The following TUBGCP3 variants were observed in gnomAD, a reference collection of about 807,000 sequenced individuals.
TUBGCP3 encodes gamma-tubulin complex component 3.
Under a neutral mutation model 123.1 loss-of-function variants are expected in TUBGCP3, and 50 were observed. The ratio of observed to expected loss-of-function variants is 0.41; its 90% CI spans 0.32 to 0.51. TUBGCP3 has a LOEUF of 0.51. TUBGCP3 is among the 20% of genes least tolerant of loss of function. TUBGCP3 has a pLI of 0.36. For missense variants in TUBGCP3, 882 were observed against 1,127.0 expected (o/e 0.78, Z 3.11); for synonymous variants, 405 against 413.9 (o/e 0.98, Z 0.26).
upstream of TUBGCP3, among the ~76,000 whole-genome samples, chr13:112,588,674 G>A (rs968687424): frequency 4.6e-5 from 7 of 152,136 alleles, no homozygotes; most frequent in South Asian, 2.1e-4. Flanking sequence ...GAGAGAACAG[G>A]AAACCTGCCG....
At chr13:112,588,828 G>T (rs1882804821), upstream of TUBGCP3, among the ~76,000 whole-genome samples, 1 of 152,168 alleles carries the variant, frequency 6.6e-6, no homozygotes, top group Non-Finnish European at 1.5e-5. Flanking sequence ...AAGAGATCCC[G>T]AGATCCTATG....
chr13:112,572,856 G>GA (rs1192273683), intron 1 of TUBGCP3, among the ~76,000 whole-genome samples: 27 of 152,042 alleles, frequency 1.8e-4, no homozygotes, highest in African/African-American at 6.3e-4. Flanking sequence ...CATGCTGTTG[G>GA]AAAAATGGTA....
chr13:112,512,086 A>G (rs1372340002), intron 17 of TUBGCP3, among the ~76,000 whole-genome samples: 1 of 152,242 alleles, frequency 6.6e-6, no homozygotes, highest in Non-Finnish European at 1.5e-5. Flanking sequence ...TTTAAAATGT[A>G]GTATTATTTA....
At chr13:112,514,112 A>T (rs545429530) in intron 17 of TUBGCP3, among the ~76,000 whole-genome samples, 8 of 152,284 alleles carry the variant, frequency 5.3e-5, no homozygotes, top group Admixed American at 4.6e-4. Flanking sequence ...GAGAGACATA[A>T]CACCCACATA....
intron 1 of TUBGCP3, among the ~76,000 whole-genome samples, chr13:112,570,544 T>TA (rs1881317597): frequency 6.6e-6 from 1 of 152,216 alleles, no homozygotes; most frequent in South Asian, 2.1e-4. Context: ...ACTTTATTGC[T>TA]AAAAAATGCT....
intron 13 of TUBGCP3, among the ~76,000 whole-genome samples, chr13:112,525,159 A>C (rs1046839101): frequency 6.6e-6 from 1 of 152,198 alleles, no homozygotes; most frequent in African/African-American, 2.4e-5. Flanking sequence ...ATTATTAAAT[A>C]ATAACTTTTT....
At chr13:112,559,681 A>G (rs564144102) in intron 3 of TUBGCP3, among the ~76,000 whole-genome samples, 2 of 152,358 alleles carry the variant, frequency 1.3e-5, no homozygotes, top group Non-Finnish European at 2.9e-5. Flanking sequence ...TTCCTGAATA[A>G]CAGTATCGTC....
intron 20 of TUBGCP3, among the ~76,000 whole-genome samples, chr13:112,491,096 C>G (rs1329633774): frequency 6.6e-6 from 1 of 152,226 alleles, no homozygotes; most frequent in Non-Finnish European, 1.5e-5. Context: ...CTTGGCCCCC[C>G]AAAAGGCCCA....
At position 112,504,085 on chromosome 13, in the gene TUBGCP3, C is replaced by G. The variant is rs764939077; in HGVS notation, c.2254G>C (p.Glu752Gln). The change falls in exon 19 of 22, where the codon GAG becomes CAG. Residue 752 changes from glutamate (E) to glutamine (Q), a missense_variant. Glu to Gln is a conservative substitution (Grantham distance 29). This residue lies in a region of TUBGCP3 where 160 missense variants were observed against 220.3 expected (regional missense o/e 0.73). Coordinates refer to ENST00000261965, the MANE Select transcript of TUBGCP3 (RefSeq NM_006322.6). ...GAGATGATGGTGTCTAAGAACACCTCGTGTGCAGCAATGATGTGATCCAAA... is the reference window on the plus strand; with the variant it reads ...GAGATGATGGTGTCTAAGAACACCTGGTGTGCAGCAATGATGTGATCCAAA... The part of the protein sequence containing the change: ...QDLDHIIAAH[E>Q]VFLDTIISRC... 1.9e-6 allele frequency: 3 copies of G among 1,614,104 alleles called. No homozygotes were observed. The South Asian group carries it at 3.3e-5, about 18-fold the overall frequency.
chr13:112,526,845 G>A lies in TUBGCP3; in HGVS notation c.1555+97C>T, dbSNP rs1463537071. On this transcript the variant is annotated intron_variant, in intron 13 of 21. Transcript: ENST00000261965. Reference sequence around the variant, plus strand: ...ATCATCACACCATCACAATCACTACGTCATCAACATCACTGTTACCATGAG... The same window carrying A: ...ATCATCACACCATCACAATCACTACATCATCAACATCACTGTTACCATGAG... The A allele has an allele frequency of 7.8e-5, 68 of 870,848 alleles. No homozygotes were observed. In the East Asian group the frequency reaches 1.3e-3, roughly 16 times the overall value. 53.9% of individuals were successfully genotyped at this position (870,848 alleles called of 1,614,324 possible). A position where few individuals can be genotyped will look rare whatever the true frequency, so the allele number is the denominator to read the frequency against.
upstream of TUBGCP3, among the ~76,000 whole-genome samples, chr13:112,590,267 C>T (rs566934017): frequency 6.6e-6 from 1 of 152,124 alleles, no homozygotes; most frequent in Non-Finnish European, 1.5e-5. Flanking sequence ...TGAGCCACCG[C>T]GCCCGGTCCA....
At chr13:112,599,316 A>G in the TUBGCP3 span, among the ~76,000 whole-genome samples, 4 of 152,226 alleles carry the variant, frequency 2.6e-5, no homozygotes, top group Admixed American at 6.5e-5. Context: ...CACACCTAAT[A>G]AATGGGTCCT....
chr13:112,548,154 T>C lies in TUBGCP3; in HGVS notation c.989A>G (p.Gln330Arg), dbSNP rs761819279. Residue 330 changes from glutamine (Q) to arginine (R), a missense_variant, in exon 9 of 22, where the codon CAG becomes CGG. Physicochemically the swap from Gln to Arg is conservative, Grantham distance 43. Transcript: ENST00000261965. ...CAATCGATAGTATTCTCTGAGTTCC[T>C]GGTGCAAGGCAGCACAAAAGCTCTG... The part of the protein sequence containing the change: ...VGQSFCAALH[Q>R]ELREYYRLLS... 1.2e-6 allele frequency: 2 copies of C among 1,605,566 alleles called. No homozygotes were observed. The highest frequency in any genetic ancestry group is 8.5e-7 in the Non-Finnish European group (1 of 1,175,028).
At chr13:112,537,383 T>G (rs535197044) in intron 11 of TUBGCP3, among the ~76,000 whole-genome samples, 1 of 152,264 alleles carries the variant, frequency 6.6e-6, no homozygotes, top group East Asian at 1.9e-4. Flanking sequence ...CATCAAATGC[T>G]TTTTCAGCAC....
chr13:112,486,204 A>G (rs1403490176), intron 21 of TUBGCP3, 53 bp from the exon 22 acceptor site: 3 of 1,601,898 alleles, frequency 1.9e-6, no homozygotes, highest in Non-Finnish European at 2.6e-6. Flanking sequence ...ACAACCCACA[A>G]ACGTATTCCC....
chr13:112,560,354 C>T (rs1373786679), intron 3 of TUBGCP3, among the ~76,000 whole-genome samples: 4 of 150,326 alleles, frequency 2.7e-5, no homozygotes, highest in African/African-American at 4.9e-5. Context: ...GGCGTGAACC[C>T]GGGAGGCGGA....
At chr13:112,550,819 C>T (rs1239008371) in intron 8 of TUBGCP3, among the ~76,000 whole-genome samples, 1 of 152,218 alleles carries the variant, frequency 6.6e-6, no homozygotes, top group Non-Finnish European at 1.5e-5. Context: ...AAATATGCGG[C>T]CAGGTGCGGT....
intron 1 of TUBGCP3, among the ~76,000 whole-genome samples, chr13:112,579,005 T>C (rs1371803990): frequency 1.3e-5 from 2 of 152,154 alleles, no homozygotes; most frequent in African/African-American, 4.8e-5. Flanking sequence ...TTTTAGAAAT[T>C]CATACATTGG....
chr13:112,522,341 C>A lies in TUBGCP3; in HGVS notation c.1724G>T (p.Arg575Met). The change falls in exon 14 of 22, where the codon AGG (arginine) becomes ATG (methionine). Residue 575 changes from arginine (R) to methionine (M), a missense_variant. Transcript: ENST00000261965. ...TTACTTTAGCAAGTCCATTAAGTGC[C>A]TTATAAAGTCTCCTTGACCAAGAAG... ...YLLLGQGDFI[R>M]HLMDLLKPEL... The A allele has an allele frequency of 6.2e-7, 1 of 1,602,772 alleles. No individual in the cohort carries two copies. Among genetic ancestry groups the A allele is most frequent in the South Asian group, 1.1e-5 (1 of 89,512 alleles).
Sources: gnomAD v4.1 joint callset for allele counts (sites outside exome capture counted in the v4.1 genomes callset) on GRCh38, gnomAD v4.1.1 for gene constraint, gnomAD v4.1.1 regional missense constraint, MANE v1.5 for transcripts, NCBI Gene and HGNC (gene_info 2026-07-23, HGNC 2026-07-21) for gene names.